The following SMYD1 variants were observed in gnomAD, a reference collection of about 807,000 sequenced individuals.
The protein encoded by SMYD1 is SET and MYND domain containing 1.
Under a neutral mutation model 54.0 loss-of-function variants are expected in SMYD1, and 49 were observed. The ratio of observed to expected loss-of-function variants is 0.91; its 90% confidence interval spans 0.72 to 1.15. The LOEUF (loss-of-function observed/expected upper bound fraction) is 1.15. Ranked by LOEUF, SMYD1 falls within the 50% of genes most tolerant of loss-of-function variation. The probability of loss-of-function intolerance (pLI) is 0.00; values close to 1 mark genes in which losing one functional copy is unlikely to be tolerated. For missense variants in SMYD1, 653 were observed against 639.6 expected (o/e 1.02, Z -0.23); for synonymous variants, 269 against 234.2 (o/e 1.15, Z -1.36).
intron 1 of SMYD1, among the ~76,000 whole-genome samples, chr2:88,082,822 T>C (rs752212532): frequency 5.9e-5 from 9 of 152,258 alleles, no homozygotes; most frequent in Middle Eastern, 3.4e-3. Flanking sequence ...GCTTGTTCCA[T>C]TGGGCAAGGA....
chr2:88,074,544 G>A (rs1318165134), intron 1 of SMYD1, among the ~76,000 whole-genome samples: 1 of 152,168 alleles, frequency 6.6e-6, no homozygotes. Context: ...TTAAGACATT[G>A]ACAATTTTTG....
At chr2:88,101,218 A>C (rs537792410) in intron 6 of SMYD1, among the ~76,000 whole-genome samples, 74 of 152,380 alleles carry the variant, frequency 4.9e-4, no homozygotes, top group African/African-American at 1.7e-3. Flanking sequence ...ACTTTTTGGT[A>C]GTTTACTGAG....
intron 9 of SMYD1, among the ~76,000 whole-genome samples, chr2:88,109,098 A>G (rs1674951485): frequency 1.3e-5 from 2 of 152,224 alleles, no homozygotes; most frequent in Non-Finnish European, 2.9e-5. Flanking sequence ...TATCCAAACC[A>G]TATCACCTTG....
chr2:88,109,518 G>T (rs1165087534), intron 9 of SMYD1, among the ~76,000 whole-genome samples: 2 of 152,156 alleles, frequency 1.3e-5, no homozygotes, highest in Non-Finnish European at 2.9e-5. Flanking sequence ...CCTGGCAAAT[G>T]GTGCTGCTGA....
chr2:88,104,519 C>T (rs563881955), intron 7 of SMYD1, among the ~76,000 whole-genome samples: 2 of 152,184 alleles, frequency 1.3e-5, no homozygotes, highest in African/African-American at 4.8e-5. Context: ...CTCTCCTGTT[C>T]GTTTCTTCTC....
At chr2:88,070,433 T>A (rs1397352658) in intron 1 of SMYD1, among the ~76,000 whole-genome samples, 1 of 151,486 alleles carries the variant, frequency 6.6e-6, no homozygotes. Context: ...AAATGAAAAT[T>A]AATTCTTTCA....
At position 88,103,050 on chromosome 2, in the gene SMYD1, T is replaced by C; in HGVS notation, c.889-8T>C. ...GCATCTCTAGCTCAATGTGTCTCTC[T>C]TTCCCAGCCCTCTCAGGAAGTGGTG... On this transcript the variant is annotated splice_polypyrimidine_tract_variant and splice_region_variant and intron_variant, in intron 6 of 9. Coordinates refer to ENST00000419482, the MANE Select transcript of SMYD1 (RefSeq NM_198274.4). The C allele has an allele frequency of 6.2e-7, 1 of 1,613,664 alleles. No individual in the cohort carries two copies. The highest frequency in any genetic ancestry group is 8.5e-7 in the Non-Finnish European group (1 of 1,179,624).
chr2:88,107,792 A>T, intron 8 of SMYD1, among the ~76,000 whole-genome samples: 1 of 152,176 alleles, frequency 6.6e-6, no homozygotes, highest in East Asian at 1.9e-4. Context: ...ACCATTGGAA[A>T]AGCGCAGTAT....
At chr2:88,075,486 AAATT>A (rs1674039881) in intron 1 of SMYD1, among the ~76,000 whole-genome samples, 1 of 152,088 alleles carries the variant, frequency 6.6e-6, no homozygotes, top group Admixed American at 6.5e-5. Flanking sequence ...TGTTAAAAAT[AAATT>A]GACAATCTCC....
chr2:88,071,539 A>G (rs1482536107), intron 1 of SMYD1, among the ~76,000 whole-genome samples: 1 of 152,216 alleles, frequency 6.6e-6, no homozygotes. Flanking sequence ...ACTTGGATTA[A>G]GTGCTAGGCA....
chr2:88,106,192 T>C (rs1674863547), intron 7 of SMYD1, 133 bp from the exon 8 acceptor site: 3 of 1,232,536 alleles, frequency 2.4e-6, no homozygotes, highest in African/African-American at 1.5e-5. Context: ...AAACCTGTGC[T>C]TTCCCACCTC....
chr2:88,090,421 C>T (rs1347199057), intron 3 of SMYD1, among the ~76,000 whole-genome samples: 1 of 152,196 alleles, frequency 6.6e-6, no homozygotes, highest in African/African-American at 2.4e-5. Context: ...AAGAAAATCA[C>T]TTGGATGCCA....
chr2:88,084,234 A>C, intron 1 of SMYD1, 82 bp from the exon 2 acceptor site: 1 of 1,215,244 alleles, frequency 8.2e-7, no homozygotes, highest in Non-Finnish European at 1.1e-6. Context: ...CTGAACCAGT[A>C]CTGGAACACA....
At chr2:88,075,764 A>C (rs911203517) in intron 1 of SMYD1, among the ~76,000 whole-genome samples, 4 of 151,968 alleles carry the variant, frequency 2.6e-5, no homozygotes, top group Admixed American at 2.6e-4. Flanking sequence ...GCTGGTCTCA[A>C]ACTCCTGGGC....
chr2:88,068,086 G>T, intron 1 of SMYD1, 85 bp downstream of exon 1: 1 of 1,489,396 alleles, frequency 6.7e-7, no homozygotes, highest in South Asian at 1.3e-5. Flanking sequence ...AAATCATCAG[G>T]GGAAGGGATA....
Position 88,096,681 on chromosome 2 carries a change from G to A in SMYD1, c.785G>A (p.Arg262His), listed in dbSNP as rs747099457. ...YIDFLNVSEERKRQLKKQYYF... is the reference protein window; with the variant it reads ...YIDFLNVSEEHKRQLKKQYYF... ...GACTTCCTCAACGTTAGTGAAGAAC[G>A]CAAGAGGCAGCTGAAGAAGCAGTAC... Residue 262 changes from arginine (R) to histidine (H), a missense_variant, in exon 6 of 10, where the codon CGC becomes CAC. Transcript: ENST00000419482. 9 of 1,614,178 alleles carry A rather than the reference G, an allele frequency of 5.6e-6. No individual in the cohort carries two copies. The highest frequency in any genetic ancestry group is 2.2e-5 in the South Asian group (2 of 91,088).
intron 2 of SMYD1, among the ~76,000 whole-genome samples, chr2:88,084,706 T>A (rs1372741592): frequency 3.3e-5 from 5 of 152,230 alleles, no homozygotes; most frequent in Non-Finnish European, 7.3e-5. Flanking sequence ...AGTCACAGGC[T>A]GAAACTGGCT....
rs938436203 is a variant in SMYD1, at chr2:88,111,527, G to A, written c.*1015G>A. 6.5e-6 allele frequency: 1 copy of A among 153,110 alleles called. No individual in the cohort carries two copies. Among genetic ancestry groups the A allele is most frequent in the Non-Finnish European group, 1.5e-5 (1 of 68,642 alleles). The allele number at this position is 153,110 out of a possible 1,614,324, so 9.5% of individuals were successfully genotyped here. Reference sequence around the variant, plus strand: ...AGACTCTATCATGGGCCCCCATGAAGCTCCATTCTCAATACTGAATAATTA... The same window carrying A: ...AGACTCTATCATGGGCCCCCATGAAACTCCATTCTCAATACTGAATAATTA... On this transcript the variant is annotated 3_prime_UTR_variant, in exon 10 of 10. Transcript: ENST00000419482.
At chr2:88,077,722 C>CT (rs1168525311) in intron 1 of SMYD1, among the ~76,000 whole-genome samples, 4,095 of 126,178 alleles carry the variant, frequency 0.032, 225 homozygotes, top group East Asian at 0.086. Context: ...GTGGGCATTT[C>CT]TTTTTTTTTT....
Sources: gnomAD v4.1 joint callset for allele counts (sites outside exome capture counted in the v4.1 genomes callset) on GRCh38, gnomAD v4.1.1 for gene constraint, MANE v1.5 for transcripts, NCBI Gene and HGNC (gene_info 2026-07-23, HGNC 2026-07-21) for gene names.